The following MAPK10 variants were observed in gnomAD, a reference collection of about 807,000 sequenced individuals.
The protein encoded by MAPK10 is JNK3 alpha protein kinase.
In MAPK10, 25 loss-of-function variants were observed where a neutral mutation model predicts 59.3. The ratio of observed to expected loss-of-function variants is 0.42; its 90% confidence interval spans 0.31 to 0.59. MAPK10 has a LOEUF of 0.59. MAPK10 is among the 20% of genes least tolerant of loss of function. MAPK10 has a pLI of 0.15. For missense variants in MAPK10, 351 were observed against 568.9 expected (o/e 0.62, Z 3.90); for synonymous variants, 190 against 200.5 (o/e 0.95, Z 0.44).
intron 2 of MAPK10, among the ~76,000 whole-genome samples, chr4:86,274,055 AG>A (rs1251136584): frequency 1.3e-5 from 2 of 152,030 alleles, no homozygotes; most frequent in African/African-American, 4.8e-5. Context: ...AAGTTAGAAA[AG>A]TAAGGGGAAA....
At chr4:86,343,529 T>C (rs1726301723) in intron 2 of MAPK10, among the ~76,000 whole-genome samples, 1 of 152,188 alleles carries the variant, frequency 6.6e-6, no homozygotes, top group African/African-American at 2.4e-5. Flanking sequence ...GCTAGATGCA[T>C]AAAAGAGACA....
intron 1 of MAPK10, chr4:86,357,856 G>A (rs1735313368): frequency 6.5e-6 from 1 of 153,778 alleles, no homozygotes. Flanking sequence ...TTAAGAACAG[G>A]AGCCCCTCAA....
chr4:86,371,015 G>C lies in MAPK10; in HGVS notation c.-121-16371C>G, dbSNP rs545674655. On this transcript the variant is annotated intron_variant, in intron 1 of 13. Coordinates refer to the MAPK10 transcript ENST00000361569. The stretch of plus-strand genomic sequence containing the variant: ...TCACTTTCCTAGTTAAAACAAGAAG[G>C]AAAGCAGTGGAATATCTTCAACTAT... The C allele has an allele frequency of 2.6e-5, 4 of 152,248 alleles. No individual in the cohort carries two copies. The South Asian group carries it at 8.3e-4, about 32-fold the overall frequency. The allele number at this position is 152,248 out of a possible 1,614,324, so 9.4% of individuals were successfully genotyped here.
chr4:86,181,548 A>G (rs1247283112), intron 3 of MAPK10, among the ~76,000 whole-genome samples: 1 of 152,164 alleles, frequency 6.6e-6, no homozygotes, highest in East Asian at 1.9e-4. Context: ...ATCTATTAAC[A>G]TACACTTGTA....
At chr4:86,439,049 A>G (rs994431893) in intron 1 of MAPK10, among the ~76,000 whole-genome samples, 2 of 151,990 alleles carry the variant, frequency 1.3e-5, no homozygotes, top group Non-Finnish European at 1.5e-5. Flanking sequence ...TTTCAGCATG[A>G]TATTTTCTTT....
chr4:86,172,199 T>C (rs1454200099), intron 3 of MAPK10, among the ~76,000 whole-genome samples: 1 of 140,806 alleles, frequency 7.1e-6, no homozygotes, highest in Non-Finnish European at 1.5e-5. Context: ...AGAAATACCA[T>C]TTGACCCAGC....
At chr4:86,242,463 C>A (rs1000031436) in intron 2 of MAPK10, among the ~76,000 whole-genome samples, 1 of 152,198 alleles carries the variant, frequency 6.6e-6, no homozygotes, top group African/African-American at 2.4e-5. Flanking sequence ...GAGGCTAAGT[C>A]TGCTGCAGAG....
At chr4:86,281,517 A>G (rs1347736452) in intron 2 of MAPK10, among the ~76,000 whole-genome samples, 1 of 118,926 alleles carries the variant, frequency 8.4e-6, no homozygotes, top group African/African-American at 3.1e-5. Context: ...AAAATAAAAT[A>G]AAATAAAATA....
intron 2 of MAPK10, among the ~76,000 whole-genome samples, chr4:86,205,468 A>G (rs556674128): frequency 6.6e-6 from 1 of 152,034 alleles, no homozygotes; most frequent in Non-Finnish European, 1.5e-5. Flanking sequence ...AAAGTGAGAA[A>G]TCCTCCTATT....
intron 1 of MAPK10, among the ~76,000 whole-genome samples, chr4:86,461,202 C>G (rs907844012): frequency 1.3e-5 from 2 of 151,884 alleles, no homozygotes; most frequent in Non-Finnish European, 2.9e-5. Flanking sequence ...TGACAAAGCC[C>G]AAGGAGTTCC....
chr4:86,068,723 T>C (rs1642196759), intron 9 of MAPK10, among the ~76,000 whole-genome samples: 1 of 152,038 alleles, frequency 6.6e-6, no homozygotes, highest in Admixed American at 6.6e-5. Flanking sequence ...ACAGAAAAAA[T>C]ATTACCTCTC....
intron 2 of MAPK10, among the ~76,000 whole-genome samples, chr4:86,329,197 T>C (rs1414341728): frequency 6.6e-6 from 1 of 152,144 alleles, no homozygotes; most frequent in African/African-American, 2.4e-5. Flanking sequence ...AATTATCTGG[T>C]CTGTGGTATT....
At chr4:86,071,816 C>T (rs1421692813) in intron 9 of MAPK10, among the ~76,000 whole-genome samples, 17 of 149,748 alleles carry the variant, frequency 1.1e-4, no homozygotes, top group African/African-American at 3.0e-4. Context: ...AGTTTGAAGT[C>T]AGGTAGTGTG....
intron 2 of MAPK10, among the ~76,000 whole-genome samples, chr4:86,215,896 T>A (rs1481720086): frequency 1.3e-5 from 2 of 152,036 alleles, no homozygotes; most frequent in Admixed American, 1.3e-4. Flanking sequence ...CAAGTTACCA[T>A]CTCACATCCA....
chr4:86,451,616 G>T (rs1689762558), intron 1 of MAPK10, among the ~76,000 whole-genome samples: 1 of 152,152 alleles, frequency 6.6e-6, no homozygotes, highest in African/African-American at 2.4e-5. Flanking sequence ...AGTGAAGGAG[G>T]CCAAGCAAAG....
intron 2 of MAPK10, among the ~76,000 whole-genome samples, chr4:86,310,172 T>C (rs1247807375): frequency 6.6e-6 from 1 of 152,152 alleles, no homozygotes; most frequent in Non-Finnish European, 1.5e-5. Flanking sequence ...CCTTTCCAGA[T>C]GGAACCAAAG....
chr4:86,049,424 T>C (rs1186135367), intron 11 of MAPK10, among the ~76,000 whole-genome samples: 1 of 151,928 alleles, frequency 6.6e-6, no homozygotes, highest in Non-Finnish European at 1.5e-5. Flanking sequence ...TGGATTTTCT[T>C]AAAACAGAGC....
rs397879051 is a variant in MAPK10, at chr4:86,264,888, C to CTTTTT, written c.-6-70486_-6-70482dup. 2.7e-3 allele frequency among the ~76,000 whole-genome samples: 256 copies of CTTTTT among 95,256 alleles called. 8 individuals carry two copies. The highest frequency in any genetic ancestry group is 3.4e-3 in the Non-Finnish European group (159 of 47,316). The allele number at this position is 95,256 out of a possible 152,430, so 62.5% of individuals were successfully genotyped here. Reference sequence around the variant, plus strand: ...TCTCTAGGTTTTTGATGGCCCTGGACTTTTTTTTTTTTTTTTTTTTTTGTG... The same window carrying CTTTTT: ...TCTCTAGGTTTTTGATGGCCCTGGACTTTTTTTTTTTTTTTTTTTTTTTTTTTGTG... On this transcript the variant is annotated intron_variant, in intron 2 of 13. Coordinates refer to ENST00000641462, the MANE Select transcript of MAPK10 (RefSeq NM_138982.4).
intron 1 of MAPK10, among the ~76,000 whole-genome samples, chr4:86,367,194 T>A (rs989231719): frequency 6.6e-6 from 1 of 152,108 alleles, no homozygotes; most frequent in Non-Finnish European, 1.5e-5. Context: ...AAGGGTTTGA[T>A]AAAAAGCAAG....
Sources: allele counts gnomAD v4.1 joint callset (sites outside exome capture counted in the v4.1 genomes callset), GRCh38; gene constraint gnomAD v4.1.1; transcripts MANE v1.5; gene names NCBI Gene and HGNC (gene_info 2026-07-23, HGNC 2026-07-21).